CBFA2T3: variants seen among roughly 807,000 people sequenced by gnomAD.
CBFA2T3 encodes CBFA2/RUNX1 partner transcriptional co-repressor 3.
Under a neutral mutation model 58.6 loss-of-function variants are expected in CBFA2T3, and 31 were observed. The observed-to-expected ratio is 0.53, with a 90% CI of 0.40 to 0.71. CBFA2T3 has a LOEUF of 0.71. Among genes scored for constraint, CBFA2T3 ranks in the 30% least tolerant of loss-of-function variants. CBFA2T3 has a pLI of 0.00. For synonymous variants in CBFA2T3, 531 were observed against 421.9 expected, an observed-to-expected ratio of 1.26 and a Z score of -3.17; for missense variants, 1,076 against 963.1, an observed-to-expected ratio of 1.12 and a Z score of -1.55.
At chr16:88,881,197 G>T (rs1487647404) in intron 9 of CBFA2T3, 94 bp downstream of exon 9, 2 of 1,084,536 alleles carry the variant, frequency 1.8e-6, no homozygotes, top group Non-Finnish European at 1.4e-6. Context: ...TGTTCTGCCT[G>T]GTGTTTCGTT....
chr16:88,907,408 A>G (rs1718329556), intron 1 of CBFA2T3, among the ~76,000 whole-genome samples: 3 of 152,160 alleles, frequency 2.0e-5, no homozygotes, highest in Non-Finnish European at 4.4e-5. Flanking sequence ...TCCCTTCCCT[A>G]TGGCCCTGGC....
At chr16:88,922,232 A>ACTGACC (rs368439901) in intron 1 of CBFA2T3, among the ~76,000 whole-genome samples, 3,523 of 152,296 alleles carry the variant, frequency 0.023, 160 homozygotes, top group African/African-American at 0.081. Context: ...CCCCACAGAA[A>ACTGACC]CTGTTCTCAC....
intron 1 of CBFA2T3, among the ~76,000 whole-genome samples, chr16:88,957,399 C>G (rs115383330): frequency 6.6e-6 from 1 of 152,248 alleles, no homozygotes; most frequent in Non-Finnish European, 1.5e-5. Context: ...TCACCTGACT[C>G]GGGATAACAG....
At chr16:88,929,307 C>T (rs571579010) in intron 1 of CBFA2T3, among the ~76,000 whole-genome samples, 3 of 152,232 alleles carry the variant, frequency 2.0e-5, no homozygotes, top group Non-Finnish European at 4.4e-5. Flanking sequence ...GGGGCCGGCA[C>T]ACCATCGCCT....
chr16:88,969,613 C>T (rs377347484), intron 1 of CBFA2T3, among the ~76,000 whole-genome samples: 2 of 152,242 alleles, frequency 1.3e-5, no homozygotes, highest in Non-Finnish European at 2.9e-5. Flanking sequence ...CACTGCCCCT[C>T]ACAGACCAGG....
At chr16:88,948,242 C>T (rs1044804682) in intron 1 of CBFA2T3, among the ~76,000 whole-genome samples, 7 of 152,196 alleles carry the variant, frequency 4.6e-5, no homozygotes, top group Non-Finnish European at 8.8e-5. Context: ...TCGGTTCTGT[C>T]CCCCCTCAAT....
chr16:88,938,255 T>C (rs479073), intron 1 of CBFA2T3: 56,901 of 152,232 alleles, frequency 0.37, 10,914 homozygotes, highest in Middle Eastern at 0.53. Flanking sequence ...GATCCCCCAG[T>C]CCCTTGGGGG....
In CBFA2T3 at chr16:88,892,268, C is replaced by T; in HGVS notation, c.597G>A (p.Val199=). 1 of 1,611,192 alleles carries T rather than the reference C, an allele frequency of 6.2e-7. No homozygotes were observed. The highest frequency in any genetic ancestry group is 1.1e-5 in the South Asian group (1 of 91,024). ...SDISPEIGER[V]RTLVLGLVNS... ...CCACCAGGCCCAGCACCAGTGTGCGCACGCGCTCCCCAATCTCTGGGGAGA... is the reference window on the plus strand; with the variant it reads ...CCACCAGGCCCAGCACCAGTGTGCGTACGCGCTCCCCAATCTCTGGGGAGA... The change falls in exon 4 of 12, where the codon GTG becomes GTA. Residue 199 remains valine, a synonymous_variant. Transcript: ENST00000268679.
chr16:88,975,913 G>T (rs929127012), intron 1 of CBFA2T3, among the ~76,000 whole-genome samples: 1 of 152,244 alleles, frequency 6.6e-6, no homozygotes, highest in Non-Finnish European at 1.5e-5. Flanking sequence ...CGAGACGGGA[G>T]ACTGTGAGCT....
At chr16:88,972,804 G>T (rs1972686784) in intron 1 of CBFA2T3, among the ~76,000 whole-genome samples, 1 of 152,218 alleles carries the variant, frequency 6.6e-6, no homozygotes, top group Non-Finnish European at 1.5e-5. Context: ...GTCAACAAAA[G>T]GGGGGACAGG....
At chr16:88,950,515 C>A in intron 1 of CBFA2T3, 1 of 425,920 alleles carries the variant, frequency 2.3e-6, no homozygotes, top group Non-Finnish European at 4.6e-6. Flanking sequence ...GTGTTGGCAC[C>A]TGTCTTCCGG....
Position 88,940,813 on chromosome 16 carries a change from G to GC in CBFA2T3, c.151+35843dup, listed in dbSNP as rs1971695353. On this transcript the variant is annotated intron_variant, in intron 1 of 11. Transcript: ENST00000268679. ...TCGTTCCCCTCGAAGTTTCGCCGCA[G>GC]CCCCCGCAGGTCAGGCTCTGCTCAC... Among the ~76,000 whole-genome samples the GC allele has an allele frequency of 3.9e-5, 6 of 152,144 alleles. No individual in the cohort carries two copies. The South Asian group carries it at 1.2e-3, about 32-fold the overall frequency.
At chr16:88,893,958 G>A (rs1346592499) in intron 3 of CBFA2T3, among the ~76,000 whole-genome samples, 1 of 152,124 alleles carries the variant, frequency 6.6e-6, no homozygotes, top group Non-Finnish European at 1.5e-5. Flanking sequence ...AGGGGAGGGG[G>A]ACTGGATGCC....
At chr16:88,917,134 CTG>C (rs1275925296) in intron 1 of CBFA2T3, among the ~76,000 whole-genome samples, 1 of 152,006 alleles carries the variant, frequency 6.6e-6, no homozygotes, top group Non-Finnish European at 1.5e-5. Flanking sequence ...CTGGTGGAAT[CTG>C]AGATCATCGG....
chr16:88,976,614 G>A (rs774975941), intron 1 of CBFA2T3, 43 bp downstream of exon 1: 93 of 1,449,634 alleles, frequency 6.4e-5, no homozygotes, highest in South Asian at 2.6e-4. Context: ...ACCGGCTGCC[G>A]CTCTCTGCCC....
chr16:88,928,377 C>A (rs923492587), intron 1 of CBFA2T3, among the ~76,000 whole-genome samples: 6 of 152,218 alleles, frequency 3.9e-5, no homozygotes, highest in Admixed American at 6.5e-5. Context: ...AGTCACAACG[C>A]CAGGTCACTC....
chr16:88,960,073 TC>T (rs1418049204), intron 1 of CBFA2T3, among the ~76,000 whole-genome samples: 4 of 152,100 alleles, frequency 2.6e-5, no homozygotes, highest in Non-Finnish European at 5.9e-5. Flanking sequence ...TCATTAAGGT[TC>T]CAAGGAAAGA....
intron 1 of CBFA2T3, among the ~76,000 whole-genome samples, chr16:88,905,655 G>C (rs551658862): frequency 1.3e-5 from 2 of 149,088 alleles, no homozygotes; most frequent in Non-Finnish European, 3.0e-5. Context: ...TGATCAGGGC[G>C]GGCCTGAGGG....
At chr16:88,951,447 C>G (rs1278577326) in intron 1 of CBFA2T3, 2 of 393,762 alleles carry the variant, frequency 5.1e-6, no homozygotes, top group East Asian at 1.5e-4. Flanking sequence ...TTTTCTGTTA[C>G]CTGTATGTTT....
Sources: gnomAD v4.1 joint callset for allele counts (sites outside exome capture counted in the v4.1 genomes callset) on GRCh38, gnomAD v4.1.1 for gene constraint, MANE v1.5 for transcripts, NCBI Gene and HGNC (gene_info 2026-07-23, HGNC 2026-07-21) for gene names.